Variants in MACROD2 observed in about 807,000 individuals in gnomAD.
MACROD2 encodes mono-ADP ribosylhydrolase 2, also known as ADP-ribose glycohydrolase MACROD2.
Under a neutral mutation model 70.4 loss-of-function variants are expected in MACROD2, and 36 were observed. The ratio of observed to expected loss-of-function variants is 0.51; its 90% CI spans 0.39 to 0.68. The LOEUF (loss-of-function observed/expected upper bound fraction) is 0.68, where lower values mean the gene tolerates loss of function less well. Ranked by LOEUF, MACROD2 falls within the 30% of genes least tolerant of loss-of-function variation. The pLI, the probability that MACROD2 is intolerant of heterozygous loss-of-function variation, is 0.00. For missense variants in MACROD2, 496 were observed against 538.4 expected, an observed-to-expected ratio of 0.92 and a Z score of 0.78; for synonymous variants, 172 against 178.8, an observed-to-expected ratio of 0.96 and a Z score of 0.30.
At chr20:15,498,399 T>A (rs2047324843) in intron 7 of MACROD2, among the ~76,000 whole-genome samples, 1 of 152,200 alleles carries the variant, frequency 6.6e-6, no homozygotes, top group Non-Finnish European at 1.5e-5. Context: ...AACGTCTCTC[T>A]CTTTCTGCGT....
intron 13 of MACROD2, among the ~76,000 whole-genome samples, chr20:15,985,629 G>A (rs558377637): frequency 5.3e-5 from 8 of 152,308 alleles, no homozygotes; most frequent in East Asian, 3.9e-4. Context: ...TTTCCTACCC[G>A]GGAGTGCTCT....
At chr20:15,619,237 AAGG>A (rs1236935400) in intron 8 of MACROD2, among the ~76,000 whole-genome samples, 3 of 152,202 alleles carry the variant, frequency 2.0e-5, no homozygotes, top group East Asian at 1.9e-4. Flanking sequence ...CCTAAGCAAG[AAGG>A]AGGTTTGTTT....
At chr20:14,296,095 C>T (rs566475974) in intron 3 of MACROD2, among the ~76,000 whole-genome samples, 1 of 151,910 alleles carries the variant, frequency 6.6e-6, no homozygotes, top group East Asian at 1.9e-4. Flanking sequence ...CATCATAAAG[C>T]CAGGACCATG....
intron 8 of MACROD2, among the ~76,000 whole-genome samples, chr20:15,663,890 T>G (rs2049859366): frequency 6.6e-6 from 1 of 152,176 alleles, no homozygotes; most frequent in Non-Finnish European, 1.5e-5. Flanking sequence ...GCAAAAGCAG[T>G]GCGTGTTGCT....
chr20:14,357,426 T>C (rs2083182331), intron 3 of MACROD2, among the ~76,000 whole-genome samples: 1 of 152,240 alleles, frequency 6.6e-6, no homozygotes, highest in Non-Finnish European at 1.5e-5. Context: ...GATAAACTTT[T>C]TTTGCAATGT....
intron 3 of MACROD2, among the ~76,000 whole-genome samples, chr20:14,336,844 T>A (rs1203899990): frequency 6.6e-6 from 1 of 152,238 alleles, no homozygotes; most frequent in Non-Finnish European, 1.5e-5. Flanking sequence ...TTGAAGCAGC[T>A]CAGGCACGAT....
chr20:14,031,792 A>T (rs2053248994), intron 2 of MACROD2, among the ~76,000 whole-genome samples: 1 of 152,144 alleles, frequency 6.6e-6, no homozygotes, highest in Non-Finnish European at 1.5e-5. Flanking sequence ...AAATTAGGTG[A>T]TTATCTTCCC....
chr20:16,004,975 G>A (rs557924355), intron 15 of MACROD2, among the ~76,000 whole-genome samples: 6 of 152,322 alleles, frequency 3.9e-5, no homozygotes, highest in East Asian at 1.9e-4. Context: ...CTGGATGTCC[G>A]CCTTGGCCTA....
chr20:15,932,003 C>G (rs994989966), intron 10 of MACROD2, among the ~76,000 whole-genome samples: 5 of 152,116 alleles, frequency 3.3e-5, no homozygotes, highest in Admixed American at 3.3e-4. Flanking sequence ...CGGGTCAAAG[C>G]ACTCAAGCAA....
chr20:14,113,972 T>C (rs537664830), intron 3 of MACROD2, among the ~76,000 whole-genome samples: 5 of 152,142 alleles, frequency 3.3e-5, no homozygotes, highest in South Asian at 2.1e-4. Flanking sequence ...AAATAACTAC[T>C]ATAATAGATA....
chr20:15,306,519 G>T (rs1167251712), intron 6 of MACROD2, among the ~76,000 whole-genome samples: 1 of 152,124 alleles, frequency 6.6e-6, no homozygotes, highest in Non-Finnish European at 1.5e-5. Context: ...TTTAAGGGGG[G>T]AGAGTTTGAA....
At chr20:15,802,156 T>A (rs1462560798) in intron 8 of MACROD2, among the ~76,000 whole-genome samples, 1 of 152,154 alleles carries the variant, frequency 6.6e-6, no homozygotes, top group East Asian at 1.9e-4. Flanking sequence ...AGGGACAAAT[T>A]GACTTCCTCT....
At chr20:14,188,718 T>C (rs530501802) in intron 3 of MACROD2, among the ~76,000 whole-genome samples, 1 of 152,274 alleles carries the variant, frequency 6.6e-6, no homozygotes, top group East Asian at 1.9e-4. Flanking sequence ...TTTTAACAAA[T>C]AAGGCAGTGT....
At chr20:15,509,100 T>A (rs1157302376) in intron 8 of MACROD2, among the ~76,000 whole-genome samples, 1 of 152,216 alleles carries the variant, frequency 6.6e-6, no homozygotes, top group Non-Finnish European at 1.5e-5. Context: ...TGTGCTATGT[T>A]GAACCACTGT....
intron 4 of MACROD2, among the ~76,000 whole-genome samples, chr20:14,499,062 C>G (rs1174520968): frequency 6.6e-6 from 1 of 152,146 alleles, no homozygotes; most frequent in Non-Finnish European, 1.5e-5. Context: ...GCCAGCTGGC[C>G]TGTGCTCAGC....
chr20:14,264,247 C>T (rs1408302563), intron 3 of MACROD2, among the ~76,000 whole-genome samples: 1 of 151,968 alleles, frequency 6.6e-6, no homozygotes, highest in Non-Finnish European at 1.5e-5. Flanking sequence ...TCTCTGAGAT[C>T]CAAGTAAATA....
chr20:14,388,914 A>G (rs957999509), intron 3 of MACROD2, among the ~76,000 whole-genome samples: 44 of 151,898 alleles, frequency 2.9e-4, no homozygotes, highest in Admixed American at 2.5e-3. Flanking sequence ...GTCTCATTCT[A>G]TTGCCCAGGC....
chr20:15,932,119 C>A (rs913096954), intron 10 of MACROD2, among the ~76,000 whole-genome samples: 9 of 152,158 alleles, frequency 5.9e-5, no homozygotes, highest in African/African-American at 2.2e-4. Context: ...CACCGCTCAG[C>A]TGCATTTGGT....
At chr20:14,683,126 G>A (rs532030254) in intron 4 of MACROD2, among the ~76,000 whole-genome samples, 5 of 152,230 alleles carry the variant, frequency 3.3e-5, no homozygotes, top group Non-Finnish European at 7.4e-5. Context: ...TGATCCGCCC[G>A]CCTCAGCCTC....
Sources: allele counts gnomAD v4.1 joint callset (sites outside exome capture counted in the v4.1 genomes callset), GRCh38; gene constraint gnomAD v4.1.1; transcripts MANE v1.5; gene names NCBI Gene and HGNC (gene_info 2026-07-23, HGNC 2026-07-21).